The following RAB11FIP3 variants were observed in gnomAD, a reference collection of about 807,000 sequenced individuals.
RAB11FIP3 encodes the protein rab11 family-interacting protein 3.
In RAB11FIP3, 17 loss-of-function variants were observed where a neutral mutation model predicts 77.8. That is an observed-to-expected ratio of 0.22 (90% CI 0.15 to 0.33). RAB11FIP3 has a LOEUF of 0.33. Ranked by LOEUF, RAB11FIP3 falls within the 10% of genes least tolerant of loss-of-function variation. The pLI is 1.00. For missense variants in RAB11FIP3, 1,005 were observed against 1,011.2 expected, an observed-to-expected ratio of 0.99 and a Z score of 0.08; for synonymous variants, 437 against 448.2, an observed-to-expected ratio of 0.98 and a Z score of 0.31.
chr16:463,967 G>A (rs999297850), intron 2 of RAB11FIP3, among the ~76,000 whole-genome samples: 6 of 152,214 alleles, frequency 3.9e-5, no homozygotes, highest in Non-Finnish European at 7.3e-5. Context: ...TCTGAGGAGG[G>A]GTGGAGGGGA....
At chr16:481,442 C>T (rs1328113188) in intron 3 of RAB11FIP3, among the ~76,000 whole-genome samples, 2 of 152,072 alleles carry the variant, frequency 1.3e-5, no homozygotes, top group African/African-American at 2.4e-5. Context: ...ACACAGGCCA[C>T]GTAGGTTGCA....
At position 484,356 on chromosome 16, in the gene RAB11FIP3, A is replaced by ATT. The variant is rs570885979; in HGVS notation, c.1115+1632_1115+1633dup. ...TGCTGTTGCGCTTGTGGATTTAGCC[A>ATT]TTTTTTTTTTTTTGAGACGGAGTCT... On this transcript the variant is annotated intron_variant, in intron 4 of 13. Coordinates refer to ENST00000262305, the MANE Select transcript of RAB11FIP3 (RefSeq NM_014700.4). Among the ~76,000 whole-genome samples the ATT allele has an allele frequency of 7.9e-4, 115 of 145,094 alleles. 2 individuals carry two copies. The East Asian group carries it at 0.02, about 25-fold the overall frequency.
At position 426,634 on chromosome 16, in the gene RAB11FIP3, G is replaced by T; in HGVS notation, c.628G>T (p.Val210Leu). The change falls in exon 1 of 14, where the codon GTG becomes TTG. Residue 210 changes from valine (V) to leucine (L), a missense_variant. Around this residue, in one of 4 missense-constraint regions of RAB11FIP3, gnomAD observed 466 missense variants for 408.3 expected, o/e 1.14. Transcript: ENST00000262305. This position sits in a 1 kb window ranked among gnomAD's most constrained non-coding sequence, Gnocchi z 5.0. ...SQEDGPRLRA[V>L]FDALDGDGDG... Reference sequence around the variant, plus strand: ...GGAGGACGGCCCCCGCCTCCGAGCCGTGTTCGATGCCCTGGACGGGGATGG... The same window carrying T: ...GGAGGACGGCCCCCGCCTCCGAGCCTTGTTCGATGCCCTGGACGGGGATGG... 5 of 1,588,328 alleles carry T rather than the reference G, an allele frequency of 3.1e-6. No individual in the cohort carries two copies. Among genetic ancestry groups the T allele is most frequent in the Non-Finnish European group, 4.3e-6 (5 of 1,168,612 alleles).
chr16:481,172 C>T (rs1268003031), intron 3 of RAB11FIP3, among the ~76,000 whole-genome samples: 2 of 151,918 alleles, frequency 1.3e-5, no homozygotes, highest in African/African-American at 4.8e-5. Context: ...GGTTGGAGCA[C>T]AGTGGTGTGA....
rs1264710391 is a variant in RAB11FIP3 at position 506,959 on chromosome 16, T to G, written c.1499+1332T>G. 1.3e-5 allele frequency among the ~76,000 whole-genome samples: 2 copies of G among 152,108 alleles called. No homozygotes were observed. Among genetic ancestry groups the G allele is most frequent in the Non-Finnish European group, 2.9e-5 (2 of 68,012 alleles). ...AAGGAGAATCCGGGGGGCTGCCAGA[T>G]GCACTTGTTTTGTTTTGTTTTTTGA... On this transcript the variant is annotated intron_variant, in intron 8 of 13. Transcript: ENST00000262305. This position sits in a 1 kb window ranked among gnomAD's most constrained non-coding sequence, Gnocchi z 4.5.
intron 5 of RAB11FIP3, among the ~76,000 whole-genome samples, chr16:491,457 G>A (rs568506727): frequency 1.4e-4 from 22 of 152,168 alleles, no homozygotes; most frequent in African/African-American, 5.3e-4. Flanking sequence ...CCCTGCATGC[G>A]CAGCCCAGGC....
chr16:482,293 C>G (rs62033167), intron 3 of RAB11FIP3: 1 of 675,538 alleles, frequency 1.5e-6, no homozygotes, highest in Admixed American at 2.0e-5. Context: ...TGGGTTCAAG[C>G]GATCCACCCA....
chr16:441,464 G>C (rs1425101650), intron 1 of RAB11FIP3, among the ~76,000 whole-genome samples: 1 of 152,158 alleles, frequency 6.6e-6, no homozygotes, highest in Non-Finnish European at 1.5e-5. Context: ...CCTCCAGTAA[G>C]TCCTGCCGAT....
At position 507,234 on chromosome 16, in the gene RAB11FIP3, C is replaced by T. The variant is rs2031921465; in HGVS notation, c.1499+1607C>T. On this transcript the variant is annotated intron_variant, in intron 8 of 13. Coordinates refer to ENST00000262305, the MANE Select transcript of RAB11FIP3 (RefSeq NM_014700.4). The surrounding 1 kb of genome is among the most constrained non-coding windows in gnomAD (Gnocchi z 4.6). ...TCAAGCGATTCTTCTGCCTCAGCCTCCTGAGTAGCTGGGACTTGCAGGCAT... is the reference window on the plus strand; with the variant it reads ...TCAAGCGATTCTTCTGCCTCAGCCTTCTGAGTAGCTGGGACTTGCAGGCAT... Among the ~76,000 whole-genome samples the T allele has an allele frequency of 6.6e-6, 1 of 152,032 alleles. No homozygotes were observed. The highest frequency in any genetic ancestry group is 1.5e-5 in the Non-Finnish European group (1 of 68,030).
intron 4 of RAB11FIP3, among the ~76,000 whole-genome samples, chr16:488,334 T>C (rs1252431226): frequency 9.2e-5 from 14 of 152,206 alleles, no homozygotes; most frequent in Non-Finnish European, 8.8e-5. Flanking sequence ...GAGCCGATAT[T>C]GCACGACTGC....
chr16:466,820 G>A (rs919849626), intron 2 of RAB11FIP3, among the ~76,000 whole-genome samples: 2 of 152,178 alleles, frequency 1.3e-5, no homozygotes, highest in Non-Finnish European at 2.9e-5. Context: ...CTCCTTCCCA[G>A]CAGCTGACAG....
At chr16:497,395 C>T in intron 6 of RAB11FIP3, 1 of 1,285,394 alleles carries the variant, frequency 7.8e-7, no homozygotes, top group Middle Eastern at 2.2e-4. Context: ...GGGTTAAGGC[C>T]CTTCCCAGGG....
intron 1 of RAB11FIP3, among the ~76,000 whole-genome samples, chr16:458,761 A>G (rs1037162239): frequency 6.6e-6 from 1 of 152,232 alleles, no homozygotes. Context: ...GGCTTTCTTC[A>G]GGAGTCTGCC....
chr16:465,589 A>G (rs1439776815), intron 2 of RAB11FIP3, among the ~76,000 whole-genome samples: 2 of 152,130 alleles, frequency 1.3e-5, no homozygotes, highest in African/African-American at 4.8e-5. Context: ...GCGGCCTGTC[A>G]GTAGCCACGG....
At chr16:497,170 G>A (rs1336298346) in intron 6 of RAB11FIP3, 4 of 859,610 alleles carry the variant, frequency 4.7e-6, no homozygotes, top group Non-Finnish European at 6.7e-6. Context: ...TAGCTCTGAG[G>A]TAGCGAGACC....
chr16:459,856 TAAAAA>T (rs907093999), intron 1 of RAB11FIP3, among the ~76,000 whole-genome samples: 1 of 149,300 alleles, frequency 6.7e-6, no homozygotes, highest in African/African-American at 2.5e-5. Context: ...TTTGCCCACT[TAAAAA>T]AAAATTGAGT....
chr16:433,649 CCATCCTAGCTAACACGGTGAAACCCTGT>C (rs2055078046), intron 1 of RAB11FIP3, among the ~76,000 whole-genome samples: 4 of 151,346 alleles, frequency 2.6e-5, no homozygotes, highest in African/African-American at 9.7e-5. Flanking sequence ...GAGATCGAGA[CCATCCTAGCTAACACGGTGAAACCCTGT>C]CTCTACTAAA....
At chr16:496,725 G>T in intron 5 of RAB11FIP3, 99 bp from the exon 6 acceptor site, 1 of 1,248,836 alleles carries the variant, frequency 8.0e-7, no homozygotes, top group East Asian at 2.4e-5. Flanking sequence ...TTGCTGAAAG[G>T]CCGCCCACCT....
intron 6 of RAB11FIP3, among the ~76,000 whole-genome samples, chr16:500,876 G>C (rs2031471524): frequency 6.6e-6 from 1 of 152,102 alleles, no homozygotes; most frequent in African/African-American, 2.4e-5. Flanking sequence ...GCTCAGAAGT[G>C]CTGACAGGTC....
Sources: allele counts gnomAD v4.1 joint callset (sites outside exome capture counted in the v4.1 genomes callset), GRCh38; gene constraint gnomAD v4.1.1; regional missense constraint gnomAD v4.1.1; non-coding constraint Gnocchi (gnomAD v3.1); transcripts MANE v1.5; gene names NCBI Gene and HGNC (gene_info 2026-07-23, HGNC 2026-07-21).